SHROOM4: variants seen among roughly 807,000 people sequenced by gnomAD.
SHROOM4 encodes protein Shroom4.
Under a neutral mutation model 80.3 loss-of-function variants are expected in SHROOM4, and 17 were observed. The observed-to-expected ratio is 0.21, with a 90% CI of 0.14 to 0.32. The LOEUF (loss-of-function observed/expected upper bound fraction) is 0.32. SHROOM4 is among the 10% of genes least tolerant of loss of function. SHROOM4 has a pLI of 1.00. For missense variants in SHROOM4, 993 were observed against 1,140.3 expected (o/e 0.87, Z 1.86); for synonymous variants, 400 against 437.5 (o/e 0.91, Z 1.07).
chrX:50,697,109 A>T (rs1010161474), intron 1 of SHROOM4, among the ~76,000 whole-genome samples: 1 of 111,724 alleles, frequency 9.0e-6, no homozygotes, highest in Admixed American at 9.5e-5. Flanking sequence ...AAAATGAACA[A>T]GGCTCCTAAT....
At chrX:50,623,740 ATAT>A (rs1557252415) in intron 5 of SHROOM4, among the ~76,000 whole-genome samples, 1 of 112,340 alleles carries the variant, frequency 8.9e-6, no homozygotes, top group African/African-American at 3.2e-5. Context: ...CATAGCAGTA[ATAT>A]TCACAATAGC....
In SHROOM4 at chrX:50,710,844, T is replaced by G. The variant is rs373095351; in HGVS notation, c.118-14907A>C. ...TCTTTCAAATAAGCCAAAGTCCCTTTGGGTTTTTCATCTAAATCCTACTCA... is the reference window on the plus strand; with the variant it reads ...TCTTTCAAATAAGCCAAAGTCCCTTGGGGTTTTTCATCTAAATCCTACTCA... On this transcript the variant is annotated intron_variant, in intron 1 of 8. Transcript: ENST00000376020. Among the ~76,000 whole-genome samples, 5 of 111,317 alleles carry G rather than the reference T, an allele frequency of 4.5e-5. No individual in the cohort carries two copies. In the East Asian group the frequency reaches 1.1e-3, roughly 25 times the overall value.
chrX:50,701,716 AT>A (rs1933522984), intron 1 of SHROOM4, among the ~76,000 whole-genome samples: 1 of 111,815 alleles, frequency 8.9e-6, no homozygotes, highest in Admixed American at 9.5e-5. Flanking sequence ...TACTCAAAAC[AT>A]TTTTACTGAT....
intron 6 of SHROOM4, among the ~76,000 whole-genome samples, chrX:50,605,716 A>G (rs1929632834): frequency 8.9e-6 from 1 of 112,623 alleles, no homozygotes; most frequent in Admixed American, 9.4e-5. Context: ...CTTTGGAGTC[A>G]GACAGCTCTG....
rs56363612 is a variant in SHROOM4, at chrX:50,705,989, TACACACACACACACACACACACACACAC to T, written c.118-10080_118-10053del. Among the ~76,000 whole-genome samples the T allele has an allele frequency of 2.7e-4, 20 of 74,384 alleles. No homozygotes were observed. In the Admixed American group the frequency reaches 2.7e-3, roughly 10 times the overall value. The allele number at this position is 74,384 out of a possible 115,157, so 64.6% of individuals were successfully genotyped here. The stretch of plus-strand genomic sequence containing the variant: ...TTATTTCCCACAACCTCTCATCCTC[TACACACACACACACACACACACACACAC>T]ACACACACACACACACACACGTCAT... On this transcript the variant is annotated intron_variant, in intron 1 of 8. Coordinates refer to ENST00000376020, the MANE Select transcript of SHROOM4 (RefSeq NM_020717.5).
intron 1 of SHROOM4, among the ~76,000 whole-genome samples, chrX:50,721,957 G>T (rs1934123601): frequency 9.0e-6 from 1 of 110,529 alleles, no homozygotes; most frequent in South Asian, 3.9e-4. Context: ...CAGCTGGCTG[G>T]GGGTGGTGGA....
At chrX:50,663,882 G>A (rs187292109) in intron 2 of SHROOM4, among the ~76,000 whole-genome samples, 9 of 111,784 alleles carry the variant, frequency 8.1e-5, no homozygotes, top group Admixed American at 4.8e-4. Context: ...TACAGGGCTA[G>A]AGCATACTCC....
chrX:50,614,743 C>G (rs1930149198), intron 5 of SHROOM4, among the ~76,000 whole-genome samples: 1 of 111,880 alleles, frequency 8.9e-6, no homozygotes, highest in African/African-American at 3.2e-5. Context: ...CACATTCCAA[C>G]ATGAACACAA....
chrX:50,646,753 G>A (rs1931856580), intron 2 of SHROOM4, among the ~76,000 whole-genome samples: 1 of 109,288 alleles, frequency 9.2e-6, no homozygotes, highest in Non-Finnish European at 1.9e-5. Context: ...GTTCTTCCAT[G>A]TAAATCTGCT....
In SHROOM4 at chrX:50,633,705, G is replaced by A. The variant is rs1557254852; in HGVS notation, c.2368C>T (p.Pro790Ser). Residue 790 changes from proline (P) to serine (S), a missense_variant, in exon 4 of 9, where the codon CCA becomes TCA. By Grantham distance (74) the Pro-to-Ser change is moderately conservative (BLOSUM62 -1). Transcript: ENST00000376020. ...SSKSLSTSHLPGLTTHSNKTF... is the reference protein window; with the variant it reads ...SSKSLSTSHLSGLTTHSNKTF... ...TTGTTGCTATGAGTGGTTAAACCTGGCAAATGAGATGTAGATAAGGATTTG... is the reference window on the plus strand; with the variant it reads ...TTGTTGCTATGAGTGGTTAAACCTGACAAATGAGATGTAGATAAGGATTTG... The A allele has an allele frequency of 8.3e-7, 1 of 1,211,929 alleles. No individual in the cohort carries two copies. The highest frequency in any genetic ancestry group is 1.8e-5 in the South Asian group (1 of 56,998).
At chrX:50,743,430 T>C (rs1337797768) in intron 1 of SHROOM4, among the ~76,000 whole-genome samples, 1 of 111,113 alleles carries the variant, frequency 9.0e-6, no homozygotes, top group East Asian at 2.8e-4. Flanking sequence ...CTGTTGTCAC[T>C]TTCTTTCAGC....
intron 2 of SHROOM4, among the ~76,000 whole-genome samples, chrX:50,684,827 CTT>C (rs1221932442): frequency 8.9e-6 from 1 of 111,905 alleles, no homozygotes; most frequent in Non-Finnish European, 1.9e-5. Flanking sequence ...GAGGTAAACT[CTT>C]TTAAGATATA....
At chrX:50,664,366 A>G (rs1557260181) in intron 2 of SHROOM4, among the ~76,000 whole-genome samples, 1 of 112,151 alleles carries the variant, frequency 8.9e-6, no homozygotes, top group East Asian at 2.8e-4. Context: ...TACTTTTGAT[A>G]TGAAAATTCT....
intron 5 of SHROOM4, among the ~76,000 whole-genome samples, chrX:50,625,117 A>T (rs1298097164): frequency 9.0e-6 from 1 of 111,652 alleles, no homozygotes; most frequent in Non-Finnish European, 1.9e-5. Context: ...TCTATGAAGA[A>T]CCATAAGAAT....
chrX:50,595,698 C>T lies in SHROOM4; in HGVS notation c.*997G>A, dbSNP rs781947688. On this transcript the variant is annotated 3_prime_UTR_variant, in exon 9 of 9. Transcript: ENST00000376020. ...ATTCAACGCCTTGGCACTTGCTTAC[C>T]TAGCCACGGTGGATTCAGGCTGATC... 1 of 270,979 alleles carries T rather than the reference C, an allele frequency of 3.7e-6. No homozygotes were observed. Among genetic ancestry groups the T allele is most frequent in the South Asian group, 3.6e-5 (1 of 27,455 alleles). 22.3% of individuals were successfully genotyped at this position (270,979 alleles called of 1,213,427 possible). A position where few individuals can be genotyped will look rare whatever the true frequency, so the allele number is the denominator to read the frequency against.
At chrX:50,644,999 G>C (rs1557257703) in intron 2 of SHROOM4, among the ~76,000 whole-genome samples, 1 of 112,264 alleles carries the variant, frequency 8.9e-6, no homozygotes, top group African/African-American at 3.2e-5. Context: ...TTAGCAATAA[G>C]AAAACTGATT....
At chrX:50,651,568 G>A (rs1421078321) in intron 2 of SHROOM4, among the ~76,000 whole-genome samples, 2 of 111,644 alleles carry the variant, frequency 1.8e-5, no homozygotes, top group Non-Finnish European at 3.8e-5. Context: ...TGGGGGTGGG[G>A]CCCAGCAATA....
chrX:50,578,788 G>A, the SHROOM4 span, among the ~76,000 whole-genome samples: 1 of 111,703 alleles, frequency 9.0e-6, no homozygotes, highest in Non-Finnish European at 1.9e-5. Flanking sequence ...TCTGTGGCAT[G>A]CACTATCTCA....
At chrX:50,748,639 C>T (rs782608548) in intron 1 of SHROOM4, among the ~76,000 whole-genome samples, 2 of 111,592 alleles carry the variant, frequency 1.8e-5, no homozygotes, top group African/African-American at 6.5e-5. Flanking sequence ...CCCGGGATGG[C>T]TTCTTTACTC....
Sources: allele counts gnomAD v4.1 joint callset (sites outside exome capture counted in the v4.1 genomes callset), GRCh38; gene constraint gnomAD v4.1.1; transcripts MANE v1.5; gene names NCBI Gene and HGNC (gene_info 2026-07-23, HGNC 2026-07-21).